The following PCDH15 variants were observed in gnomAD, a reference collection of about 807,000 sequenced individuals.
PCDH15 encodes the protein protocadherin-15.
PCDH15 carries 129 observed loss-of-function variants against 178.5 expected under a neutral mutation model. The ratio of observed to expected loss-of-function variants is 0.72; its 90% CI spans 0.63 to 0.84. PCDH15 has a LOEUF of 0.84. Among genes scored for constraint, PCDH15 ranks in the 40% least tolerant of loss-of-function variants. PCDH15 has a pLI of 0.00. For missense variants in PCDH15, 2,230 were observed against 2,099.9 expected (o/e 1.06, Z -1.21); for synonymous variants, 800 against 732.0 (o/e 1.09, Z -1.50).
intron 18 of PCDH15, among the ~76,000 whole-genome samples, chr10:54,043,658 G>A (rs1325307345): frequency 6.6e-6 from 1 of 151,944 alleles, no homozygotes; most frequent in African/African-American, 2.4e-5. Flanking sequence ...CAAAGTGGTG[G>A]GATTACAGGT....
rs1036626017 is a variant in PCDH15, at chr10:54,451,724, TTAGA to T, written c.158-72786_158-72783del. ...AAGTTTTATGACACAAATATATTACTTAGATAGTATCTTCACATTAATTTTGTTT... is the reference window on the plus strand; with the variant it reads ...AAGTTTTATGACACAAATATATTACTTAGTATCTTCACATTAATTTTGTTT... On this transcript the variant is annotated intron_variant, in intron 3 of 37. Coordinates refer to ENST00000644397, the MANE Select transcript of PCDH15 (RefSeq NM_001384140.1). 4.6e-5 allele frequency among the ~76,000 whole-genome samples: 7 copies of T among 152,048 alleles called. No individual in the cohort carries two copies. The South Asian group carries it at 8.3e-4, about 18-fold the overall frequency.
intron 21 of PCDH15, among the ~76,000 whole-genome samples, chr10:53,972,009 A>C (rs560199497): frequency 2.0e-5 from 3 of 152,186 alleles, no homozygotes; most frequent in African/African-American, 7.2e-5. Context: ...ACAAAGCTGG[A>C]GGTATCACGC....
intron 2 of PCDH15, among the ~76,000 whole-genome samples, chr10:55,531,115 T>C (rs2132063515): frequency 6.6e-6 from 1 of 152,150 alleles, no homozygotes; most frequent in African/African-American, 2.4e-5. Context: ...TACTAGTTAC[T>C]AACTGGAGTG....
intron 26 of PCDH15, among the ~76,000 whole-genome samples, chr10:53,899,186 G>T (rs930634553): frequency 2.6e-5 from 4 of 151,756 alleles, no homozygotes; most frequent in Admixed American, 6.6e-5. Flanking sequence ...TTCTGTAAGG[G>T]TAGAGAGAGC....
At chr10:53,929,954 T>C (rs1047242038) in intron 25 of PCDH15, among the ~76,000 whole-genome samples, 1 of 152,170 alleles carries the variant, frequency 6.6e-6, no homozygotes, top group African/African-American at 2.4e-5. Flanking sequence ...TTACTGCTTT[T>C]GCTCTACATA....
chr10:54,491,387 A>G (rs2079576689), intron 3 of PCDH15, among the ~76,000 whole-genome samples: 1 of 152,010 alleles, frequency 6.6e-6, no homozygotes, highest in Non-Finnish European at 1.5e-5. Flanking sequence ...CACAGTTAAC[A>G]ACTGGAAAAT....
chr10:54,082,799 C>T (rs1449119237), intron 16 of PCDH15, among the ~76,000 whole-genome samples: 2 of 150,322 alleles, frequency 1.3e-5, no homozygotes, highest in Non-Finnish European at 3.0e-5. Flanking sequence ...GGGACATTAT[C>T]GAGAAAGTAA....
chr10:54,001,127 C>T (rs2092114111), intron 20 of PCDH15, among the ~76,000 whole-genome samples: 2 of 152,134 alleles, frequency 1.3e-5, no homozygotes, highest in South Asian at 2.1e-4. Context: ...AAAGACTTTC[C>T]CAGACAAATA....
chr10:54,738,555 T>C (rs1039572033), intron 1 of PCDH15, among the ~76,000 whole-genome samples: 3 of 151,926 alleles, frequency 2.0e-5, no homozygotes, highest in Admixed American at 6.6e-5. Context: ...CAAAACTCAT[T>C]CTATGAGGCC....
intron 1 of PCDH15, among the ~76,000 whole-genome samples, chr10:55,254,705 T>C (rs1183142577): frequency 6.6e-6 from 1 of 152,188 alleles, no homozygotes; most frequent in African/African-American, 2.4e-5. Context: ...CTAATATCTG[T>C]AAAAGCAACA....
At chr10:54,794,925 G>A (rs1302909004) in intron 1 of PCDH15, among the ~76,000 whole-genome samples, 1 of 151,696 alleles carries the variant, frequency 6.6e-6, no homozygotes, top group Admixed American at 6.6e-5. Context: ...AATTGTTTAA[G>A]TTCAAATTTT....
intron 2 of PCDH15, among the ~76,000 whole-genome samples, chr10:55,092,575 T>A (rs1842343592): frequency 6.6e-6 from 1 of 151,904 alleles, no homozygotes; most frequent in African/African-American, 2.4e-5. Context: ...TCCTATCACA[T>A]TTGAATAAAC....
chr10:55,147,455 TA>T (rs1554835115), intron 2 of PCDH15, among the ~76,000 whole-genome samples: 4 of 151,480 alleles, frequency 2.6e-5, no homozygotes, highest in Non-Finnish European at 4.4e-5. Context: ...TTTCAATTTT[TA>T]AAAAAAATTT....
chr10:54,508,241 A>G (rs897012774), intron 3 of PCDH15, among the ~76,000 whole-genome samples: 1 of 152,034 alleles, frequency 6.6e-6, no homozygotes, highest in African/African-American at 2.4e-5. Context: ...TAGCCAGCAC[A>G]CTATCATACA....
intron 26 of PCDH15, among the ~76,000 whole-genome samples, chr10:53,879,083 G>T (rs909403783): frequency 7.0e-6 from 1 of 143,164 alleles, no homozygotes; most frequent in African/African-American, 2.5e-5. Context: ...CTATCTTCCT[G>T]ATCTCTTCTA....
At chr10:55,427,768 G>A (rs763086714) in intron 2 of PCDH15, among the ~76,000 whole-genome samples, 84 of 151,850 alleles carry the variant, frequency 5.5e-4, no homozygotes, top group Non-Finnish European at 9.4e-4. Flanking sequence ...AATCTGTACT[G>A]GCTGTCTATT....
chr10:55,212,381 G>A (rs1362974216), intron 1 of PCDH15, among the ~76,000 whole-genome samples: 7 of 152,006 alleles, frequency 4.6e-5, no homozygotes, highest in Admixed American at 4.6e-4. Flanking sequence ...CCTCTCTGCA[G>A]CATCAGAGAG....
At chr10:54,979,907 T>A (rs977218244) in intron 2 of PCDH15, among the ~76,000 whole-genome samples, 50 of 152,232 alleles carry the variant, frequency 3.3e-4, no homozygotes, top group African/African-American at 1.1e-3. Context: ...TTTTGGTTAA[T>A]GATATATAAA....
chr10:53,930,457 C>CA lies in PCDH15; in HGVS notation c.3373+8357dup, dbSNP rs60673116. Among the ~76,000 whole-genome samples, 41 of 50,348 alleles carry CA rather than the reference C, an allele frequency of 8.1e-4. 1 individual carries two copies. The highest frequency in any genetic ancestry group is 1.2e-3 in the African/African-American group (15 of 12,332). The allele number at this position is 50,348 out of a possible 152,430, so 33.0% of individuals were successfully genotyped here. A position where few individuals can be genotyped will look rare whatever the true frequency, so the allele number is the denominator to read the frequency against. ...TGGGTGACAGAGTGAGACTCCCTCT[C>CA]AAAAAAAAAAAAAAAAAAAAAAAAA... On this transcript the variant is annotated intron_variant, in intron 25 of 37. Transcript: ENST00000644397.
Sources: gnomAD v4.1 joint callset for allele counts (sites outside exome capture counted in the v4.1 genomes callset) on GRCh38, gnomAD v4.1.1 for gene constraint, MANE v1.5 for transcripts, NCBI Gene and HGNC (gene_info 2026-07-23, HGNC 2026-07-21) for gene names.